WNK2: variants seen among roughly 807,000 people sequenced by gnomAD.
WNK2 encodes the protein WNK lysine deficient protein kinase 2.
In WNK2, 67 loss-of-function variants were observed where a neutral mutation model predicts 192.1. The observed-to-expected ratio is 0.35, with a 90% CI of 0.29 to 0.43. WNK2 has a LOEUF of 0.43. Among genes scored for constraint, WNK2 ranks in the 20% least tolerant of loss-of-function variants. WNK2 has a pLI of 1.00. For missense variants in WNK2, 2,698 were observed against 3,089.7 expected (o/e 0.87, Z 3.01); for synonymous variants, 1,439 against 1,393.9 (o/e 1.03, Z -0.72).
At chr9:93,293,210 T>G in intron 23 of WNK2, 37 bp downstream of exon 23, 1 of 1,409,098 alleles carries the variant, frequency 7.1e-7, no homozygotes, top group Non-Finnish European at 9.2e-7. Flanking sequence ...CCCCCGCCCC[T>G]GGGCCATGGC....
At chr9:93,211,847 C>T (rs1018922803) in intron 2 of WNK2, among the ~76,000 whole-genome samples, 9 of 151,254 alleles carry the variant, frequency 6.0e-5, no homozygotes, top group African/African-American at 2.2e-4. Context: ...CGCTCACTCA[C>T]ACATTCCCTC....
intron 11 of WNK2, among the ~76,000 whole-genome samples, chr9:93,258,042 G>A (rs894173795): frequency 5.9e-5 from 9 of 152,206 alleles, no homozygotes; most frequent in African/African-American, 2.2e-4. Flanking sequence ...CTTTTGTGTT[G>A]TCTCACCCTG....
intron 1 of WNK2, 88 bp from the exon 2 acceptor site, chr9:93,184,840 G>T: frequency 4.4e-6 from 5 of 1,142,816 alleles, no homozygotes; most frequent in Non-Finnish European, 5.5e-6. Flanking sequence ...GCAGGTTGCG[G>T]GCTTAGGGCG....
At chr9:93,277,534 A>G (rs1464777710) in intron 19 of WNK2, among the ~76,000 whole-genome samples, 1 of 152,238 alleles carries the variant, frequency 6.6e-6, no homozygotes, top group Non-Finnish European at 1.5e-5. Flanking sequence ...TGGTAAATTG[A>G]TCAACATGGG....
At chr9:93,235,471 G>A (rs972747199) in intron 5 of WNK2, among the ~76,000 whole-genome samples, 1 of 152,246 alleles carries the variant, frequency 6.6e-6, no homozygotes, top group Non-Finnish European at 1.5e-5. Flanking sequence ...CCAGGCAGCT[G>A]GGAACGTTAA....
At chr9:93,188,118 C>T (rs1489101525) in intron 2 of WNK2, among the ~76,000 whole-genome samples, 1 of 152,138 alleles carries the variant, frequency 6.6e-6, no homozygotes, top group Non-Finnish European at 1.5e-5. Context: ...GGGATGTTGC[C>T]TTCAGCCAGG....
chr9:93,227,296 G>A (rs1837987196), intron 2 of WNK2, among the ~76,000 whole-genome samples: 1 of 151,834 alleles, frequency 6.6e-6, no homozygotes, highest in Admixed American at 6.6e-5. Context: ...TGTATTTTTA[G>A]TAGAGACGGG....
intron 4 of WNK2, 97 bp from the exon 5 acceptor site, chr9:93,234,711 A>C: frequency 7.0e-7 from 1 of 1,422,386 alleles, no homozygotes; most frequent in East Asian, 2.5e-5. Context: ...TGGAGGGGAC[A>C]TGGGGTTCTG....
chr9:93,223,061 C>G (rs1203629642), intron 2 of WNK2, among the ~76,000 whole-genome samples: 1 of 152,176 alleles, frequency 6.6e-6, no homozygotes, highest in East Asian at 1.9e-4. Flanking sequence ...TTTTGTTGCT[C>G]AAGATGAGGT....
chr9:93,196,138 C>G (rs1381681179), intron 2 of WNK2, among the ~76,000 whole-genome samples: 2 of 152,100 alleles, frequency 1.3e-5, no homozygotes, highest in African/African-American at 4.8e-5. Flanking sequence ...TTTCATTTTA[C>G]AGTTATCTTA....
Position 93,259,734 on chromosome 9 carries a change from G to A in WNK2, c.3066+120G>A. 1 of 961,036 alleles carries A rather than the reference G, an allele frequency of 1.0e-6. No individual in the cohort carries two copies. The highest frequency in any genetic ancestry group is 1.5e-6 in the Non-Finnish European group (1 of 667,700). The allele number at this position is 961,036 out of a possible 1,614,324, so 59.5% of individuals were successfully genotyped here. ...GCCCTGCCTGGGGTCGCCCCTCTCAGGAAGAGATGTGTGTGAGGCTGAGGG... is the reference window on the plus strand; with the variant it reads ...GCCCTGCCTGGGGTCGCCCCTCTCAAGAAGAGATGTGTGTGAGGCTGAGGG... On this transcript the variant is annotated intron_variant, in intron 12 of 29. Coordinates refer to ENST00000427277, the MANE Select transcript of WNK2 (RefSeq NM_006648.4). The surrounding 1 kb of genome is among the most constrained non-coding windows in gnomAD (Gnocchi z 4.8).
intron 19 of WNK2, among the ~76,000 whole-genome samples, chr9:93,279,512 G>A (rs927288663): frequency 2.6e-5 from 4 of 152,134 alleles, no homozygotes; most frequent in African/African-American, 9.7e-5. Flanking sequence ...TAAATTGACC[G>A]ACAGAGCCAA....
intron 27 of WNK2, 42 bp from the exon 28 acceptor site, chr9:93,308,286 G>A (rs988441711): frequency 3.1e-5 from 48 of 1,533,850 alleles, no homozygotes; most frequent in South Asian, 7.3e-5. Context: ...GCCTGGGTGC[G>A]TGTGTGGCGT....
intron 19 of WNK2, among the ~76,000 whole-genome samples, chr9:93,287,642 G>A (rs13302502): frequency 6.6e-6 from 1 of 152,198 alleles, no homozygotes; most frequent in African/African-American, 2.4e-5. Flanking sequence ...CCAGGCAGGG[G>A]ATGGGGACCA....
At position 93,185,163 on chromosome 9, in the gene WNK2, C is replaced by T; in HGVS notation, c.234C>T (p.Leu78=). The T allele has an allele frequency of 8.0e-7, 1 of 1,253,120 alleles. No individual in the cohort carries two copies. Among genetic ancestry groups the T allele is most frequent in the Non-Finnish European group, 1.0e-6 (1 of 991,602 alleles). The allele number at this position is 1,253,120 out of a possible 1,614,324, so 77.6% of individuals were successfully genotyped here. A position where few individuals can be genotyped will look rare whatever the true frequency, so the allele number is the denominator to read the frequency against. The change falls in exon 2 of 30, where the codon CTC becomes CTT. Residue 78 remains leucine (L), a synonymous_variant. Coordinates refer to ENST00000427277, the MANE Select transcript of WNK2 (RefSeq NM_006648.4). The stretch of plus-strand genomic sequence containing the variant: ...CCCTGCAGCGCCGGGTGCTTCTGCT[C>T]TGCAAGACGCGCCGCCTCATCGCGG... ...PQPLQRRVLL[L]CKTRRLIAER... is the part of the protein sequence containing the mutation.
Position 93,185,569 on chromosome 9 carries a change from G to T in WNK2, c.640G>T (p.Asp214Tyr). 6.2e-7 allele frequency: 1 copy of T among 1,612,794 alleles called. No individual in the cohort carries two copies. Among genetic ancestry groups the T allele is most frequent in the Non-Finnish European group, 8.5e-7 (1 of 1,179,538 alleles). The change falls in exon 2 of 30, where the codon GAC becomes TAC. Residue 214 changes from aspartate (D) to tyrosine (Y), a missense_variant. By Grantham distance (160) the Asp-to-Tyr change is radical. Coordinates refer to ENST00000427277, the MANE Select transcript of WNK2 (RefSeq NM_006648.4). ...CTTCAAGACGGTCTACAAGGGGCTG[G>T]ACACGGAGACCTGGGTGGAGGTGGC... ...GSFKTVYKGL[D>Y]TETWVEVAWC... is the part of the protein sequence containing the mutation.
chr9:93,307,496 A>G (rs1232649104), intron 27 of WNK2: 1 of 152,244 alleles, frequency 6.6e-6, no homozygotes, highest in Non-Finnish European at 1.5e-5. Context: ...GTTGCCTGGA[A>G]AGGGTATGAT....
chr9:93,203,703 G>C (rs1832884371), intron 2 of WNK2, among the ~76,000 whole-genome samples: 1 of 152,220 alleles, frequency 6.6e-6, no homozygotes, highest in African/African-American at 2.4e-5. Flanking sequence ...TGGGAGGCAG[G>C]AGCTTCTGAG....
At chr9:93,192,564 T>C (rs932550930) in intron 2 of WNK2, among the ~76,000 whole-genome samples, 5 of 148,630 alleles carry the variant, frequency 3.4e-5, no homozygotes. Flanking sequence ...AGTGCAGGGA[T>C]GGGCCAGGAC....
Sources: allele counts gnomAD v4.1 joint callset (sites outside exome capture counted in the v4.1 genomes callset), GRCh38; gene constraint gnomAD v4.1.1; non-coding constraint Gnocchi (gnomAD v3.1); transcripts MANE v1.5; gene names NCBI Gene and HGNC (gene_info 2026-07-23, HGNC 2026-07-21).